Variants in CCDC69 observed in about 807,000 individuals in gnomAD.
CCDC69 encodes the protein coiled-coil domain-containing protein 69.
A neutral mutation model predicts 40.3 loss-of-function variants in CCDC69; 38 were observed. The ratio of observed to expected loss-of-function variants is 0.94; its 90% CI spans 0.73 to 1.24. The LOEUF is 1.24. CCDC69 is among the 50% of genes most tolerant of loss of function. CCDC69 has a pLI of 0.00. For synonymous variants in CCDC69, 141 were observed against 138.9 expected, an observed-to-expected ratio of 1.02 and a Z score of -0.11; for missense variants, 389 against 357.9, an observed-to-expected ratio of 1.09 and a Z score of -0.70.
intron 3 of CCDC69, among the ~76,000 whole-genome samples, chr5:151,200,241 T>C (rs248455): frequency 0.9 from 136,160 of 151,976 alleles, 61,336 homozygotes; most frequent in Admixed American, 0.94. Context: ...CAGGTTCAAG[T>C]GATTCTCCTG....
At chr5:151,191,644 C>T (rs1377990962) in intron 4 of CCDC69, among the ~76,000 whole-genome samples, 2 of 152,124 alleles carry the variant, frequency 1.3e-5, no homozygotes, top group African/African-American at 4.8e-5. Context: ...GAAAATAAGA[C>T]TGAAAATATT....
At chr5:151,202,391 T>C (rs1466280412) in intron 2 of CCDC69, among the ~76,000 whole-genome samples, 1 of 152,178 alleles carries the variant, frequency 6.6e-6, no homozygotes, top group Admixed American at 6.5e-5. Context: ...AAAAATTAGT[T>C]GTTGATACTT....
intron 1 of CCDC69, among the ~76,000 whole-genome samples, chr5:151,216,683 A>C (rs1753048068): frequency 6.6e-6 from 1 of 151,174 alleles, no homozygotes. Flanking sequence ...CCCAAAGTGC[A>C]GGGATTACAG....
intron 1 of CCDC69, among the ~76,000 whole-genome samples, chr5:151,216,533 C>A (rs940175881): frequency 7.3e-5 from 11 of 151,056 alleles, no homozygotes; most frequent in Admixed American, 5.3e-4. Flanking sequence ...TCTCCTGCCT[C>A]AGCCTCCTGG....
In CCDC69 at chr5:151,197,100, T is replaced by A. The variant is rs182711717; in HGVS notation, c.319+1897A>T. 2.4e-3 allele frequency among the ~76,000 whole-genome samples: 372 copies of A among 152,290 alleles called. 7 individuals are homozygous for A. The highest frequency in any genetic ancestry group is 0.023 in the Admixed American group (353 of 15,300). ...TGGAAACATTTCAAGGTGAAAACAT[T>A]CCAAGGTGAAAGAAGTCAGATGTGG... On this transcript the variant is annotated intron_variant, in intron 4 of 8. Transcript: ENST00000355417.
At chr5:151,204,751 A>T (rs1188018431) in intron 2 of CCDC69, among the ~76,000 whole-genome samples, 1 of 152,234 alleles carries the variant, frequency 6.6e-6, no homozygotes, top group African/African-American at 2.4e-5. Flanking sequence ...CATTGTATTT[A>T]GCTCTACTCA....
intron 3 of CCDC69, 123 bp from the exon 4 acceptor site, chr5:151,199,207 G>T: frequency 1.3e-6 from 1 of 772,016 alleles, no homozygotes; most frequent in East Asian, 2.5e-5. Flanking sequence ...TCTGAGGGAT[G>T]GGAATGACAC....
At chr5:151,189,165 G>T (rs1486482157) in intron 4 of CCDC69, among the ~76,000 whole-genome samples, 2 of 152,164 alleles carry the variant, frequency 1.3e-5, no homozygotes, top group Non-Finnish European at 2.9e-5. Context: ...AATGTAAAAA[G>T]ACTCCAAGAA....
chr5:151,220,608 C>A (rs1215671179), intron 1 of CCDC69, among the ~76,000 whole-genome samples: 1 of 152,226 alleles, frequency 6.6e-6, no homozygotes, highest in African/African-American at 2.4e-5. Flanking sequence ...GACTGACCCA[C>A]CAAGTACCTG....
chr5:151,201,516 C>T (rs1561601688), intron 3 of CCDC69, 66 bp downstream of exon 3: 2 of 1,036,820 alleles, frequency 1.9e-6, no homozygotes, highest in African/African-American at 3.2e-5. Flanking sequence ...GGTAGGCACT[C>T]ACTCTGGGAT....
At chr5:151,195,486 C>T (rs549741048) in intron 4 of CCDC69, among the ~76,000 whole-genome samples, 2 of 151,830 alleles carry the variant, frequency 1.3e-5, no homozygotes, top group Non-Finnish European at 2.9e-5. Flanking sequence ...TTTAGGAGGC[C>T]GAGGCAGGCG....
chr5:151,211,036 G>A (rs1268119953), intron 1 of CCDC69: 1 of 152,190 alleles, frequency 6.6e-6, no homozygotes, highest in Non-Finnish European at 1.5e-5. Flanking sequence ...TTAAAAAAAT[G>A]TTGGCAAATT....
intron 1 of CCDC69, among the ~76,000 whole-genome samples, chr5:151,214,690 G>C (rs190419079): frequency 6.6e-6 from 1 of 152,298 alleles, no homozygotes; most frequent in Non-Finnish European, 1.5e-5. Flanking sequence ...CTGCACCGGG[G>C]ACACGGCCTA....
chr5:151,198,407 A>G (rs1752731468), intron 4 of CCDC69, among the ~76,000 whole-genome samples: 1 of 152,108 alleles, frequency 6.6e-6, no homozygotes, highest in Non-Finnish European at 1.5e-5. Context: ...TAGTGACAGC[A>G]TCTTGCTATG....
intron 2 of CCDC69, 70 bp from the exon 3 acceptor site, chr5:151,201,758 G>A: frequency 1.0e-6 from 1 of 996,914 alleles, no homozygotes; most frequent in East Asian, 2.5e-5. Context: ...AGAGCTGGCA[G>A]AGAGAGTGTG....
chr5:151,208,591 A>G lies in CCDC69; in HGVS notation c.49-3116T>C, dbSNP rs900048011. On this transcript the variant is annotated intron_variant, in intron 1 of 8. Coordinates refer to ENST00000355417, the MANE Select transcript of CCDC69 (RefSeq NM_015621.3). ...GGTGAAGACTCAATCCTCCCTTTCCAGGGAAGAGGAGGAAGCCTGGTCCAG... is the reference window on the plus strand; with the variant it reads ...GGTGAAGACTCAATCCTCCCTTTCCGGGGAAGAGGAGGAAGCCTGGTCCAG... Among the ~76,000 whole-genome samples, 10 of 152,322 alleles carry G rather than the reference A, an allele frequency of 6.6e-5. No individual in the cohort carries two copies. The South Asian group carries it at 1.0e-3, about 16-fold the overall frequency.
chr5:151,187,437 CT>C lies in CCDC69; in HGVS notation c.341del (p.Gln114ArgfsTer21). ...ALQVLRASYE[Q>X]EKEALTHSFR... ...AAGAGTGGGTAAGCGCTTCTTTCTC[CT>C]GTTCATATGAGGCCCGGAGGACTGT... On this transcript the variant is annotated frameshift_variant, in exon 5 of 9. Coordinates refer to ENST00000355417, the MANE Select transcript of CCDC69 (RefSeq NM_015621.3). LOFTEE classifies it high-confidence loss of function. The C allele has an allele frequency of 6.2e-7, 1 of 1,614,038 alleles. No individual in the cohort carries two copies. Among genetic ancestry groups the C allele is most frequent in the Non-Finnish European group, 8.5e-7 (1 of 1,179,966 alleles).
intron 4 of CCDC69, among the ~76,000 whole-genome samples, chr5:151,196,444 A>C (rs1475513468): frequency 6.6e-6 from 1 of 152,234 alleles, no homozygotes; most frequent in Non-Finnish European, 1.5e-5. Flanking sequence ...GGTGTGAGCC[A>C]CTGCACCCAG....
intron 1 of CCDC69, among the ~76,000 whole-genome samples, chr5:151,222,899 G>C (rs1443208089): frequency 2.0e-5 from 3 of 152,178 alleles, no homozygotes; most frequent in African/African-American, 7.2e-5. Context: ...AGAAAAACCT[G>C]TACTCAGGGC....
Sources: allele counts gnomAD v4.1 joint callset (sites outside exome capture counted in the v4.1 genomes callset), GRCh38; gene constraint gnomAD v4.1.1; transcripts MANE v1.5; gene names NCBI Gene and HGNC (gene_info 2026-07-23, HGNC 2026-07-21).